The following ADCY2 variants were observed in gnomAD, a reference collection of about 807,000 sequenced individuals.
ADCY2 encodes the protein adenylate cyclase 2.
In ADCY2, 31 loss-of-function variants were observed where a neutral mutation model predicts 125.2. That is an observed-to-expected ratio of 0.25 (90% CI 0.19 to 0.33). The LOEUF (loss-of-function observed/expected upper bound fraction) is 0.33. Among genes scored for constraint, ADCY2 ranks in the 10% least tolerant of loss-of-function variants. ADCY2 has a pLI of 1.00. For missense variants in ADCY2, 904 were observed against 1,418.2 expected (o/e 0.64, Z 5.82); for synonymous variants, 512 against 548.4 (o/e 0.93, Z 0.93).
At chr5:7,707,381 A>G (rs10475388) in intron 8 of ADCY2, among the ~76,000 whole-genome samples, 139,466 of 152,214 alleles carry the variant, frequency 0.92, 64,925 homozygotes, top group East Asian at 1. Context: ...ATTATTATAC[A>G]GATTAGCATA....
chr5:7,699,184 G>A (rs1460771465), intron 7 of ADCY2, among the ~76,000 whole-genome samples: 14 of 124,556 alleles, frequency 1.1e-4, no homozygotes, highest in African/African-American at 3.9e-4. Context: ...TGCAAGCTCC[G>A]CCTCCCGGGT....
At chr5:7,469,347 T>G (rs961294845) in intron 2 of ADCY2, among the ~76,000 whole-genome samples, 1 of 152,006 alleles carries the variant, frequency 6.6e-6, no homozygotes, top group East Asian at 1.9e-4. Flanking sequence ...TACTATATGG[T>G]TAATATTCTA....
intron 4 of ADCY2, among the ~76,000 whole-genome samples, chr5:7,645,987 G>A (rs983277218): frequency 2.0e-5 from 3 of 152,132 alleles, no homozygotes; most frequent in African/African-American, 7.2e-5. Flanking sequence ...TTGTAAATAA[G>A]GTTAAAACAA....
chr5:7,473,194 G>A (rs1439904713), intron 2 of ADCY2, among the ~76,000 whole-genome samples: 1 of 152,152 alleles, frequency 6.6e-6, no homozygotes. Flanking sequence ...AGGAATACCT[G>A]AGGCTGAGTA....
intron 4 of ADCY2, among the ~76,000 whole-genome samples, chr5:7,684,051 G>A (rs982445374): frequency 6.6e-6 from 1 of 152,140 alleles, no homozygotes; most frequent in African/African-American, 2.4e-5. Flanking sequence ...TGCCTCTACT[G>A]GCATTGCCCC....
chr5:7,637,034 A>T (rs10037218), intron 4 of ADCY2, among the ~76,000 whole-genome samples: 6,879 of 152,276 alleles, frequency 0.045, 503 homozygotes, highest in African/African-American at 0.15. Context: ...CATCTTAATA[A>T]TGCATCTTTG....
intron 4 of ADCY2, among the ~76,000 whole-genome samples, chr5:7,649,754 T>G (rs1739019335): frequency 6.6e-6 from 1 of 152,218 alleles, no homozygotes. Context: ...CTGCTTAGTA[T>G]AGTCTTCATT....
rs768568678 is a variant in ADCY2, at chr5:7,826,633, C to CT, written c.3124-79dup. On this transcript the variant is annotated intron_variant, in intron 24 of 24. Coordinates refer to ENST00000338316, the MANE Select transcript of ADCY2 (RefSeq NM_020546.3). Reference sequence around the variant, plus strand: ...AATTCCTGGGTCAAAGAGCATGGTGCTTTTTTTAGCTCTGCATCCTTGAGT... The same window carrying CT: ...AATTCCTGGGTCAAAGAGCATGGTGCTTTTTTTTAGCTCTGCATCCTTGAGT... The CT allele has an allele frequency of 3.0e-5, 47 of 1,572,322 alleles. 1 individual carries two copies. The Middle Eastern group carries it at 5.0e-4, about 17-fold the overall frequency.
chr5:7,625,405 A>G (rs1459464016), intron 3 of ADCY2, among the ~76,000 whole-genome samples: 6 of 152,236 alleles, frequency 3.9e-5, no homozygotes, highest in East Asian at 1.9e-4. Flanking sequence ...TTTTGAGAAT[A>G]CAGAGGAAAA....
At chr5:7,427,193 G>A (rs556859372) in intron 2 of ADCY2, among the ~76,000 whole-genome samples, 13 of 152,228 alleles carry the variant, frequency 8.5e-5, no homozygotes, top group South Asian at 4.1e-4. Flanking sequence ...CCAATGTCAC[G>A]TGTTTTCCTC....
At chr5:7,737,535 C>T (rs1469396826) in intron 14 of ADCY2, among the ~76,000 whole-genome samples, 1 of 152,166 alleles carries the variant, frequency 6.6e-6, no homozygotes, top group Non-Finnish European at 1.5e-5. Context: ...CACCAGTTCT[C>T]ATCGGCCAAA....
rs151260573 is a variant in ADCY2, at chr5:7,560,067, T to A, written c.570+39168T>A. Among the ~76,000 whole-genome samples the A allele has an allele frequency of 6.0e-3, 921 of 152,360 alleles. 3 individuals are homozygous for A. Among genetic ancestry groups the A allele is most frequent in the Non-Finnish European group, 9.7e-3 (661 of 68,030 alleles). On this transcript the variant is annotated intron_variant, in intron 3 of 24. Coordinates refer to ENST00000338316, the MANE Select transcript of ADCY2 (RefSeq NM_020546.3). ...GACAAGAGCATTAATCAGAGATTGATGCCATGAACTAGACATATGTGCACT... is the reference window on the plus strand; with the variant it reads ...GACAAGAGCATTAATCAGAGATTGAAGCCATGAACTAGACATATGTGCACT...
At chr5:7,550,566 T>C (rs1735295495) in intron 3 of ADCY2, among the ~76,000 whole-genome samples, 1 of 152,214 alleles carries the variant, frequency 6.6e-6, no homozygotes, top group South Asian at 2.1e-4. Context: ...CCCCATGAAA[T>C]GTCTATGTCC....
chr5:7,804,876 A>G (rs1486985074), intron 22 of ADCY2, among the ~76,000 whole-genome samples, 184 bp downstream of exon 22: 1 of 152,206 alleles, frequency 6.6e-6, no homozygotes, highest in Non-Finnish European at 1.5e-5. Context: ...GGATCTGTTC[A>G]CAGAACTCCT....
chr5:7,570,569 G>GA (rs1299468917), intron 3 of ADCY2, among the ~76,000 whole-genome samples: 3 of 107,932 alleles, frequency 2.8e-5, no homozygotes, highest in Non-Finnish European at 5.9e-5. Context: ...AAAAAATGCA[G>GA]AAAAAAAGAA....
chr5:7,707,018 ATC>A, intron 8 of ADCY2, 116 bp downstream of exon 8: 1 of 1,361,812 alleles, frequency 7.3e-7, no homozygotes, highest in Non-Finnish European at 1.0e-6. Flanking sequence ...CTCTGTTGGT[ATC>A]ATGTTACTCA....
intron 12 of ADCY2, among the ~76,000 whole-genome samples, chr5:7,720,976 T>C (rs369925861): frequency 6.6e-6 from 1 of 152,224 alleles, no homozygotes; most frequent in Non-Finnish European, 1.5e-5. Flanking sequence ...CGCCACACTG[T>C]CTTCCACAAT....
chr5:7,632,468 C>A (rs1738348076), intron 4 of ADCY2, among the ~76,000 whole-genome samples: 1 of 152,054 alleles, frequency 6.6e-6, no homozygotes, highest in Non-Finnish European at 1.5e-5. Flanking sequence ...TTTGGCATCT[C>A]TTCCCCAGTG....
chr5:7,546,402 G>T (rs1024254259), intron 3 of ADCY2, among the ~76,000 whole-genome samples: 2 of 152,160 alleles, frequency 1.3e-5, no homozygotes, highest in Admixed American at 6.5e-5. Context: ...GTTAAATCCT[G>T]GTAATAAGAT....
Sources: gnomAD v4.1 joint callset for allele counts (sites outside exome capture counted in the v4.1 genomes callset) on GRCh38, gnomAD v4.1.1 for gene constraint, MANE v1.5 for transcripts, NCBI Gene and HGNC (gene_info 2026-07-23, HGNC 2026-07-21) for gene names.